Variants in ZC3HAV1 observed in about 807,000 individuals in gnomAD.
ZC3HAV1 encodes zinc finger CCCH-type antiviral protein 1.
ZC3HAV1 carries 41 observed loss-of-function variants against 86.6 expected under a neutral mutation model. The observed-to-expected ratio is 0.47, with a 90% CI of 0.37 to 0.61. The LOEUF is 0.61. Ranked by LOEUF, ZC3HAV1 falls within the 20% of genes least tolerant of loss-of-function variation. The probability of loss-of-function intolerance (pLI) is 0.00; values close to 1 mark genes in which losing one functional copy is unlikely to be tolerated. For missense variants in ZC3HAV1, 964 were observed against 1,141.1 expected, an observed-to-expected ratio of 0.84 and a Z score of 2.24; for synonymous variants, 421 against 432.1, an observed-to-expected ratio of 0.97 and a Z score of 0.32.
chr7:139,082,634 T>G (rs1316718279), intron 3 of ZC3HAV1, among the ~76,000 whole-genome samples: 1 of 152,178 alleles, frequency 6.6e-6, no homozygotes. Context: ...AAATTTATAA[T>G]TATATACATA....
intron 8 of ZC3HAV1, among the ~76,000 whole-genome samples, chr7:139,063,885 GACTGGTCCT>G (rs1468068099): frequency 7.9e-5 from 12 of 152,070 alleles, no homozygotes; most frequent in Non-Finnish European, 1.5e-4. Flanking sequence ...CACTGGTACA[GACTGGTCCT>G]ACTTTTAGTA....
chr7:139,109,196 G>A lies in ZC3HAV1; in HGVS notation c.136C>T (p.Pro46Ser). Residue 46 changes from proline (P) to serine (S), a missense_variant, in exon 1 of 13, where the codon CCC becomes TCC. Physicochemically the swap from Pro to Ser is moderately conservative, Grantham distance 74. Transcript: ENST00000242351. The part of the protein sequence containing the change: ...QLCEVLQVAG[P>S]DRFVVLETGG... ...GTCTCCAACACCACAAAGCGGTCGG[G>A]CCCGGCCACCTGCAGCACCTCACAG... 1 of 1,606,802 alleles carries A rather than the reference G, an allele frequency of 6.2e-7. No homozygotes were observed. Among genetic ancestry groups the A allele is most frequent in the Non-Finnish European group, 8.5e-7 (1 of 1,176,900 alleles).
chr7:139,045,646 G>C lies in ZC3HAV1; in HGVS notation c.*1948C>G, dbSNP rs1386914644. On this transcript the variant is annotated 3_prime_UTR_variant, in exon 13 of 13. Transcript: ENST00000242351. ...TCACTTACATACAGATCCTGAGAGA[G>C]GAACAGGTTCATGTGAGGGAGGTAG... 2.0e-5 allele frequency: 3 copies of C among 151,990 alleles called. No individual in the cohort carries two copies. The allele number at this position is 151,990 out of a possible 1,614,324, so 9.4% of individuals were successfully genotyped here.
chr7:139,078,771 CTA>C, intron 4 of ZC3HAV1, 118 bp from the exon 5 acceptor site: 1 of 836,792 alleles, frequency 1.2e-6, no homozygotes, highest in Non-Finnish European at 1.8e-6. Context: ...AAGAAAATTC[CTA>C]TGATTTATGT....
At position 139,043,542 on chromosome 7, in the gene ZC3HAV1, C is replaced by T. The variant is rs1815877501; in HGVS notation, c.*4052G>A. The T allele has an allele frequency of 1.3e-5, 2 of 152,170 alleles. No individual in the cohort carries two copies. Among genetic ancestry groups the T allele is most frequent in the African/African-American group, 4.8e-5 (2 of 41,434 alleles). The allele number at this position is 152,170 out of a possible 1,614,324, so 9.4% of individuals were successfully genotyped here. Reference sequence around the variant, plus strand: ...AAATTAATTACTTCTTTTTATTAGACAGTTCAAATTAAGCTTGAAGAACAG... The same window carrying T: ...AAATTAATTACTTCTTTTTATTAGATAGTTCAAATTAAGCTTGAAGAACAG... On this transcript the variant is annotated 3_prime_UTR_variant, in exon 13 of 13. Coordinates refer to ENST00000242351, the MANE Select transcript of ZC3HAV1 (RefSeq NM_020119.4).
At position 139,079,718 on chromosome 7, in the gene ZC3HAV1, G is replaced by A; in HGVS notation, c.1223C>T (p.Ser408Leu). The change falls in exon 4 of 13, where the codon TCA (serine) becomes TTA (leucine). Residue 408 changes from serine to leucine, a missense_variant. Ser to Leu is a moderately radical substitution (Grantham distance 145). Transcript: ENST00000242351. ...TTRKGTGLLS[S>L]DYRIINGKSG... The stretch of plus-strand genomic sequence containing the variant: ...TTTGCCATTGATGATCCTGTAGTCT[G>A]AGGAAAGCAAGCCTGTGCCCTTTCT... 1 of 1,614,218 alleles carries A rather than the reference G, an allele frequency of 6.2e-7. No homozygotes were observed. The highest frequency in any genetic ancestry group is 8.5e-7 in the Non-Finnish European group (1 of 1,180,056).
intron 1 of ZC3HAV1, among the ~76,000 whole-genome samples, chr7:139,090,701 T>A (rs1207431757): frequency 6.6e-6 from 1 of 152,242 alleles, no homozygotes. Context: ...TTATTGAAAT[T>A]GATGAATTTT....
rs1815921670 is a variant in ZC3HAV1, at chr7:139,045,158, T to C, written c.*2436A>G. 1 of 152,194 alleles carries C rather than the reference T, an allele frequency of 6.6e-6. No individual in the cohort carries two copies. The highest frequency in any genetic ancestry group is 2.1e-4 in the South Asian group (1 of 4,834). 9.4% of individuals were successfully genotyped at this position (152,194 alleles called of 1,614,324 possible). The stretch of plus-strand genomic sequence containing the variant: ...TTTAATTTATTTCTAAAATTGTGTG[T>C]AGGTGGAGCATATTACCTCTGAATT... On this transcript the variant is annotated 3_prime_UTR_variant, in exon 13 of 13. Transcript: ENST00000242351.
At chr7:139,071,295 T>G (rs2130693655) in intron 7 of ZC3HAV1, among the ~76,000 whole-genome samples, 1 of 152,088 alleles carries the variant, frequency 6.6e-6, no homozygotes, top group Middle Eastern at 3.4e-3. Context: ...AGAGACACAG[T>G]TTCACCATGT....
In ZC3HAV1 at chr7:139,053,571, G is replaced by A; in HGVS notation, c.2329C>T (p.Gln777Ter). The change falls in exon 12 of 13, where the codon CAG becomes TAG. Residue 777 changes from glutamine (Q) to a stop codon, truncating the protein, a stop_gained. Coordinates refer to ENST00000242351, the MANE Select transcript of ZC3HAV1 (RefSeq NM_020119.4). LOFTEE classifies it high-confidence loss of function. ...AGGAGTTTTCCTTCTTCCTTCATCT[G>A]CGATTTCTTCCTAATATAAGAGATG... ...LLDKFTWKKS[Q>*]MKEEGKLLFY... is the part of the protein sequence containing the mutation. 6.3e-7 allele frequency: 1 copy of A among 1,595,646 alleles called. No homozygotes were observed. Among genetic ancestry groups the A allele is most frequent in the Non-Finnish European group, 8.5e-7 (1 of 1,172,958 alleles).
intron 12 of ZC3HAV1, among the ~76,000 whole-genome samples, chr7:139,052,157 T>C (rs899130086): frequency 1.3e-5 from 2 of 152,050 alleles, no homozygotes; most frequent in Admixed American, 1.3e-4. Flanking sequence ...ACTTTAAGTT[T>C]TAGGGTACAT....
In ZC3HAV1 at chr7:139,107,099, AAACAT is replaced by A. The variant is rs1477010784; in HGVS notation, c.308+1920_308+1924del. Reference sequence around the variant, plus strand: ...ATAATAGAAAAGATAAGAACAGAAAAAACATAACAAAGCCTTCCAACCATGTTATT... The same window carrying A: ...ATAATAGAAAAGATAAGAACAGAAAAAACAAAGCCTTCCAACCATGTTATT... On this transcript the variant is annotated intron_variant, in intron 1 of 12. Coordinates refer to ENST00000242351, the MANE Select transcript of ZC3HAV1 (RefSeq NM_020119.4). Among the ~76,000 whole-genome samples the A allele has an allele frequency of 3.3e-5, 5 of 152,242 alleles. No homozygotes were observed. The East Asian group carries it at 9.6e-4, about 29-fold the overall frequency.
At chr7:139,068,104 G>C (rs1405908184) in intron 7 of ZC3HAV1, among the ~76,000 whole-genome samples, 1 of 149,920 alleles carries the variant, frequency 6.7e-6, no homozygotes, top group Non-Finnish European at 1.5e-5. Flanking sequence ...CTGTCACCCA[G>C]GCTGGAGTGC....
chr7:139,106,051 G>A (rs1412966561), intron 1 of ZC3HAV1, among the ~76,000 whole-genome samples: 1 of 152,012 alleles, frequency 6.6e-6, no homozygotes, highest in Non-Finnish European at 1.5e-5. Flanking sequence ...TAGGAAATAA[G>A]ATTTTATCAC....
At position 139,089,742 on chromosome 7, in the gene ZC3HAV1, G is replaced by A; in HGVS notation, c.326C>T (p.Ser109Phe). 6.2e-7 allele frequency: 1 copy of A among 1,609,972 alleles called. No individual in the cohort carries two copies. The highest frequency in any genetic ancestry group is 1.1e-5 in the South Asian group (1 of 90,166). Residue 109 changes from serine to phenylalanine, a missense_variant, in exon 2 of 13, where the codon TCT becomes TTT. Coordinates refer to ENST00000242351, the MANE Select transcript of ZC3HAV1 (RefSeq NM_020119.4). ...SQSERNLCKY[S>F]HEVLSEENFK... ...GTTCTCTTCTGAGAGAACCTCATGA[G>A]AATATTTGCATAAATTCCTGGAAGA...
Position 139,073,880 on chromosome 7 carries a change from G to T in ZC3HAV1, c.1848C>A (p.Gly616=), listed in dbSNP as rs747331512. ...CCTCTTCTCCATACTGAATCCATGT[G>T]CCAGATTCATTCTTCCAATACCAAA... The part of the protein sequence containing the change: ...KWIWYWKNES[G]TWIQYGEEKD... The change falls in exon 7 of 13, where the codon GGC becomes GGA. Residue 616 remains glycine (G), a synonymous_variant. Coordinates refer to ENST00000242351, the MANE Select transcript of ZC3HAV1 (RefSeq NM_020119.4). 4.3e-6 allele frequency: 7 copies of T among 1,613,146 alleles called. No homozygotes were observed. The South Asian group carries it at 7.7e-5, about 18-fold the overall frequency.
At chr7:139,089,857 A>T in intron 1 of ZC3HAV1, 98 bp from the exon 2 acceptor site, 1 of 1,316,600 alleles carries the variant, frequency 7.6e-7, no homozygotes, top group Non-Finnish European at 1.0e-6. Context: ...ACCCGTGCCC[A>T]TATTCTCTGA....
chr7:139,100,097 A>G (rs1355054775), intron 1 of ZC3HAV1, among the ~76,000 whole-genome samples: 1 of 152,088 alleles, frequency 6.6e-6, no homozygotes, highest in Non-Finnish European at 1.5e-5. Context: ...AAACTGTTAC[A>G]AACAAAAATA....
chr7:139,083,377 G>A (rs1388505960), intron 3 of ZC3HAV1, among the ~76,000 whole-genome samples: 1 of 152,078 alleles, frequency 6.6e-6, no homozygotes, highest in Non-Finnish European at 1.5e-5. Context: ...AGTTTTACAC[G>A]GCAAGGTAGA....
Sources: gnomAD v4.1 joint callset for allele counts (sites outside exome capture counted in the v4.1 genomes callset) on GRCh38, gnomAD v4.1.1 for gene constraint, MANE v1.5 for transcripts, NCBI Gene and HGNC (gene_info 2026-07-23, HGNC 2026-07-21) for gene names.